ECT2L: variants seen among roughly 807,000 people sequenced by gnomAD.
ECT2L encodes the protein epithelial cell-transforming sequence 2 oncogene-like.
A neutral mutation model predicts 122.8 loss-of-function variants in ECT2L; 126 were observed. That is an observed-to-expected ratio of 1.03 (90% CI 0.89 to 1.19). The LOEUF (loss-of-function observed/expected upper bound fraction) is 1.19. ECT2L is among the 50% of genes most tolerant of loss of function. The pLI is 0.00. For synonymous variants in ECT2L, 385 were observed against 381.8 expected, an observed-to-expected ratio of 1.01 and a Z score of -0.10; for missense variants, 1,012 against 1,064.1, an observed-to-expected ratio of 0.95 and a Z score of 0.68.
intron 4 of ECT2L, among the ~76,000 whole-genome samples, chr6:138,832,768 T>A (rs1312993306): frequency 6.6e-6 from 1 of 152,092 alleles, no homozygotes; most frequent in East Asian, 1.9e-4. Flanking sequence ...TTTTAATTTA[T>A]AACTTGCTGA....
chr6:138,847,354 A>ATTTTTTTTTTTTTTTTTT (rs1562471985), intron 8 of ECT2L, among the ~76,000 whole-genome samples: 6 of 111,014 alleles, frequency 5.4e-5, no homozygotes, highest in African/African-American at 2.0e-4. Flanking sequence ...AAAGGCCCAA[A>ATTTTTTTTTTTTTTTTTT]CTTTTTTTTT....
At chr6:138,805,833 C>T (rs1775693925) in intron 1 of ECT2L, among the ~76,000 whole-genome samples, 1 of 152,140 alleles carries the variant, frequency 6.6e-6, no homozygotes, top group Non-Finnish European at 1.5e-5. Flanking sequence ...TCCACAACAT[C>T]ATTGGTTAAA....
At chr6:138,810,987 C>T (rs1351563514) in intron 1 of ECT2L, among the ~76,000 whole-genome samples, 1 of 152,196 alleles carries the variant, frequency 6.6e-6, no homozygotes, top group Non-Finnish European at 1.5e-5. Flanking sequence ...AAAGGGTAAA[C>T]TATGATAGGT....
Position 138,849,249 on chromosome 6 carries a change from G to A in ECT2L, c.904-20G>A, listed in dbSNP as rs1309152922. ...AAAATAGTGGGTCTTGGCTCTTACA[G>A]CTTTGGTTTCATTCTCCAGATGGTG... On this transcript the variant is annotated intron_variant, in intron 8 of 21. Coordinates refer to ENST00000541398, the MANE Select transcript of ECT2L (RefSeq NM_001077706.3). The A allele has an allele frequency of 6.3e-7, 1 of 1,585,116 alleles. No homozygotes were observed. Among genetic ancestry groups the A allele is most frequent in the Non-Finnish European group, 8.6e-7 (1 of 1,166,992 alleles).
At chr6:138,887,214 G>GT (rs1026374320) in intron 19 of ECT2L, among the ~76,000 whole-genome samples, 14 of 86,312 alleles carry the variant, frequency 1.6e-4, no homozygotes, top group Non-Finnish European at 3.1e-4. Context: ...TGTTCTACTT[G>GT]TTTTCTTTTC....
At chr6:138,864,917 T>C in intron 11 of ECT2L, 79 bp from the exon 12 acceptor site, 1 of 1,363,456 alleles carries the variant, frequency 7.3e-7, no homozygotes, top group Non-Finnish European at 1.0e-6. Context: ...AACTAAGATT[T>C]TGTTGTACTT....
chr6:138,819,183 G>A (rs1429961328), intron 4 of ECT2L, among the ~76,000 whole-genome samples: 2 of 149,990 alleles, frequency 1.3e-5, no homozygotes, highest in Non-Finnish European at 3.0e-5. Flanking sequence ...ATAACTGTAT[G>A]AAATATTAGC....
intron 1 of ECT2L, among the ~76,000 whole-genome samples, chr6:138,797,708 T>C (rs1037977475): frequency 3.3e-5 from 5 of 152,174 alleles, no homozygotes; most frequent in African/African-American, 1.2e-4. Context: ...CTTCACCTCT[T>C]GTCACCAAAA....
At chr6:138,832,094 GTT>G (rs997122164) in intron 4 of ECT2L, among the ~76,000 whole-genome samples, 19 of 151,438 alleles carry the variant, frequency 1.3e-4, no homozygotes, top group Admixed American at 3.3e-4. Context: ...AGATTCTCTA[GTT>G]TTCCCTCCTT....
chr6:138,864,392 C>T (rs1057514387), intron 11 of ECT2L, among the ~76,000 whole-genome samples: 1 of 152,208 alleles, frequency 6.6e-6, no homozygotes, highest in Non-Finnish European at 1.5e-5. Flanking sequence ...AAAGCAAATA[C>T]ACTATGTATC....
At chr6:138,882,656 A>G in intron 15 of ECT2L, 68 bp from the exon 16 acceptor site, 4 of 1,572,774 alleles carry the variant, frequency 2.5e-6, no homozygotes, top group Non-Finnish European at 3.5e-6. Flanking sequence ...TGCTGATGAC[A>G]ATGGATATTT....
Position 138,851,220 on chromosome 6 carries a change from G to A in ECT2L, c.1069+1786G>A, listed in dbSNP as rs151283417. Among the ~76,000 whole-genome samples, 38 of 151,728 alleles carry A rather than the reference G, an allele frequency of 2.5e-4. No homozygotes were observed. In the East Asian group the frequency reaches 3.3e-3, roughly 13 times the overall value. ...GTTTTTTTCTTGGAGACAGAGCCTCGCTCTGTTTCCTAAGGTGAAATGCAG... is the reference window on the plus strand; with the variant it reads ...GTTTTTTTCTTGGAGACAGAGCCTCACTCTGTTTCCTAAGGTGAAATGCAG... On this transcript the variant is annotated intron_variant, in intron 9 of 21. Coordinates refer to ENST00000541398, the MANE Select transcript of ECT2L (RefSeq NM_001077706.3).
At chr6:138,845,149 G>A (rs1777177336) in intron 7 of ECT2L, among the ~76,000 whole-genome samples, 1 of 151,908 alleles carries the variant, frequency 6.6e-6, no homozygotes, top group South Asian at 2.1e-4. Flanking sequence ...TCATACTATA[G>A]AGTGAAATTA....
intron 1 of ECT2L, among the ~76,000 whole-genome samples, chr6:138,799,542 A>T (rs931246168): frequency 1.3e-5 from 2 of 151,278 alleles, no homozygotes; most frequent in African/African-American, 4.9e-5. Context: ...GGCGTGAGCC[A>T]CCGCGCCCGG....
At chr6:138,813,682 T>A (rs985184327) in intron 3 of ECT2L, among the ~76,000 whole-genome samples, 2 of 152,204 alleles carry the variant, frequency 1.3e-5, no homozygotes, top group Admixed American at 6.5e-5. Context: ...TGTGTTCCTC[T>A]GTATTTGTAA....
intron 4 of ECT2L, among the ~76,000 whole-genome samples, chr6:138,829,139 G>A (rs1364439053): frequency 2.6e-5 from 4 of 151,896 alleles, no homozygotes; most frequent in Non-Finnish European, 5.9e-5. Flanking sequence ...ATTACAGGGC[G>A]TGAGCCACCA....
chr6:138,811,964 C>T (rs987092611), intron 1 of ECT2L, among the ~76,000 whole-genome samples: 1 of 152,168 alleles, frequency 6.6e-6, no homozygotes, highest in Non-Finnish European at 1.5e-5. Context: ...GCTGGGATTA[C>T]AGGCATGAAC....
Position 138,854,167 on chromosome 6 carries a change from C to A in ECT2L, c.1198+13C>A. 1 of 1,609,204 alleles carries A rather than the reference C, an allele frequency of 6.2e-7. No individual in the cohort carries two copies. Among genetic ancestry groups the A allele is most frequent in the Non-Finnish European group, 8.5e-7 (1 of 1,178,208 alleles). On this transcript the variant is annotated intron_variant, in intron 10 of 21. Transcript: ENST00000541398. The stretch of plus-strand genomic sequence containing the variant: ...CTTGGAGCATCAGGTTAGCTCAGAA[C>A]ACCTTATAGAGAGACAGTGGCCATG...
At chr6:138,865,840 A>G (rs1319866049) in intron 12 of ECT2L, among the ~76,000 whole-genome samples, 1 of 152,140 alleles carries the variant, frequency 6.6e-6, no homozygotes, top group Admixed American at 6.5e-5. Context: ...TTCCCCTACT[A>G]CTTTCCGCCT....
Sources: allele counts gnomAD v4.1 joint callset (sites outside exome capture counted in the v4.1 genomes callset), GRCh38; gene constraint gnomAD v4.1.1; transcripts MANE v1.5; gene names NCBI Gene and HGNC (gene_info 2026-07-23, HGNC 2026-07-21).